The following LVRN variants were observed in gnomAD, a reference collection of about 807,000 sequenced individuals.
LVRN encodes laeverin, also known as aminopeptidase Q.
A neutral mutation model predicts 111.4 loss-of-function variants in LVRN; 99 were observed. The observed-to-expected ratio is 0.89, with a 90% CI of 0.76 to 1.05. The LOEUF is 1.05. Among genes scored for constraint, LVRN ranks in the 50% least tolerant of loss-of-function variants. LVRN has a pLI of 0.00. For synonymous variants in LVRN, 488 were observed against 449.5 expected (o/e 1.09, Z -1.08); for missense variants, 1,414 against 1,206.8 (o/e 1.17, Z -2.54).
At chr5:115,977,832 T>A (rs1008772508) in intron 1 of LVRN, among the ~76,000 whole-genome samples, 2 of 152,222 alleles carry the variant, frequency 1.3e-5, no homozygotes, top group South Asian at 2.1e-4. Flanking sequence ...AGAGAACTCA[T>A]ACACTCCCAC....
intron 1 of LVRN, among the ~76,000 whole-genome samples, chr5:115,977,857 T>G (rs1753480605): frequency 6.6e-6 from 1 of 152,218 alleles, no homozygotes; most frequent in African/African-American, 2.4e-5. Context: ...GTTCAAAGAT[T>G]CCCAGAATAC....
At chr5:116,011,004 C>CATATAT (rs3072900) in intron 14 of LVRN, 110 bp downstream of exon 14, 16 of 281,338 alleles carry the variant, frequency 5.7e-5, no homozygotes, top group African/African-American at 2.4e-4. Flanking sequence ...GTCTTAGTTC[C>CATATAT]ATATATATAT....
At position 115,963,295 on chromosome 5, in the gene LVRN, C is replaced by T. The variant is rs778369338; in HGVS notation, c.678C>T (p.Thr226=). The change falls in exon 1 of 20, where the codon ACC becomes ACT. Residue 226 remains threonine (T), a synonymous_variant. Transcript: ENST00000357872. Reference sequence around the variant, plus strand: ...AGGGACTCTTCCTCAACGTCTACACCGACCAGGGCGAGCGCAGGTAAGGGC... The same window carrying T: ...AGGGACTCTTCCTCAACGTCTACACTGACCAGGGCGAGCGCAGGTAAGGGC... ...LREGLFLNVY[T]DQGERRALLA... 6.2e-7 allele frequency: 1 copy of T among 1,609,488 alleles called. No homozygotes were observed. The highest frequency in any genetic ancestry group is 8.5e-7 in the Non-Finnish European group (1 of 1,178,262).
chr5:115,970,699 TTGTA>T (rs34463488), intron 1 of LVRN, among the ~76,000 whole-genome samples: 55,707 of 151,924 alleles, frequency 0.37, 10,896 homozygotes, highest in East Asian at 0.52. Context: ...TACATGCTTT[TTGTA>T]TGTATCAGTT....
intron 1 of LVRN, among the ~76,000 whole-genome samples, chr5:115,979,061 C>T (rs141921086): frequency 8.5e-4 from 129 of 152,242 alleles, no homozygotes; most frequent in Non-Finnish European, 1.6e-3. Context: ...CTCAAAGCTC[C>T]TCCAGCCTCC....
rs114828602 is a variant in LVRN at position 116,017,560 on chromosome 5, T to C, written c.2756+1795T>C. On this transcript the variant is annotated intron_variant, in intron 18 of 19. Transcript: ENST00000357872. Reference sequence around the variant, plus strand: ...CCTTTTATTTATTGTGTTTAGTTTTTCATGTATCCACTAGATATATGGTAT... The same window carrying C: ...CCTTTTATTTATTGTGTTTAGTTTTCCATGTATCCACTAGATATATGGTAT... Among the ~76,000 whole-genome samples, 1,251 of 152,320 alleles carry C rather than the reference T, an allele frequency of 8.2e-3. 13 individuals carry two copies. The highest frequency in any genetic ancestry group is 0.014 in the Non-Finnish European group (957 of 68,030).
At chr5:116,003,059 C>G in intron 11 of LVRN, 148 bp downstream of exon 11, 1 of 918,828 alleles carries the variant, frequency 1.1e-6, no homozygotes, top group Non-Finnish European at 1.6e-6. Flanking sequence ...AGAAAAGTGT[C>G]AAATCAAAAG....
At chr5:115,976,740 C>T (rs543536440) in intron 1 of LVRN, among the ~76,000 whole-genome samples, 1 of 152,000 alleles carries the variant, frequency 6.6e-6, no homozygotes, top group Admixed American at 6.6e-5. Flanking sequence ...GTTTCAGCAT[C>T]TTCTCATTTT....
rs1410373062 is a variant in LVRN at position 115,962,937 on chromosome 5, A to G, written c.320A>G (p.Tyr107Cys). Reference sequence around the variant, plus strand: ...CCGCCCTGGCTCGTGCCGCTGCACTACGATCTGGAGCTGTGGCCGCAGCTG... The same window carrying G: ...CCGCCCTGGCTCGTGCCGCTGCACTGCGATCTGGAGCTGTGGCCGCAGCTG... Reference protein sequence around the residue: ...RLPPWLVPLHYDLELWPQLRP... With the variant: ...RLPPWLVPLHCDLELWPQLRP... The change falls in exon 1 of 20, where the codon TAC (tyrosine) becomes TGC (cysteine). Residue 107 changes from tyrosine to cysteine, a missense_variant. Physicochemically the swap from Tyr to Cys is radical, Grantham distance 194. Transcript: ENST00000357872. The G allele has an allele frequency of 1.9e-6, 3 of 1,612,964 alleles. No homozygotes were observed. The highest frequency in any genetic ancestry group is 1.7e-6 in the Non-Finnish European group (2 of 1,179,776).
Position 116,003,275 on chromosome 5 carries a change from C to T in LVRN, c.1932C>T (p.Asp644=). 1 of 1,581,620 alleles carries T rather than the reference C, an allele frequency of 6.3e-7. No homozygotes were observed. The highest frequency in any genetic ancestry group is 1.9e-5 in the Admixed American group (1 of 53,784). The change falls in exon 12 of 20, where the codon GAC becomes GAT. Residue 644 remains aspartate (D), a synonymous_variant. Transcript: ENST00000357872. The stretch of plus-strand genomic sequence containing the variant: ...CAGAAATGCAAGTTTCAGATTCTGA[C>T]CATGACTGGGTGATTTTGAATTTGA... ...VFPEMQVSDS[D]HDWVILNLNM... is the part of the protein sequence containing the mutation.
At chr5:115,994,565 G>A (rs10066614) in intron 6 of LVRN, among the ~76,000 whole-genome samples, 1 of 151,978 alleles carries the variant, frequency 6.6e-6, no homozygotes, top group East Asian at 1.9e-4. Context: ...GAGCTACCGC[G>A]CCCAACCTAG....
At chr5:115,981,325 C>T (rs771124071) in intron 1 of LVRN, among the ~76,000 whole-genome samples, 1 of 152,120 alleles carries the variant, frequency 6.6e-6, no homozygotes, top group Non-Finnish European at 1.5e-5. Context: ...ATAAATGATA[C>T]AGAAGAAAAA....
In LVRN at chr5:115,963,227, C is replaced by T; in HGVS notation, c.610C>T (p.Leu204=). ...EPLKPGSSYE[L]QLSFSGLVKE... is the part of the protein sequence containing the mutation. ...CCTGAAACCTGGTAGCAGCTACGAGCTGCAGCTTAGCTTCTCGGGCCTGGT... is the reference window on the plus strand; with the variant it reads ...CCTGAAACCTGGTAGCAGCTACGAGTTGCAGCTTAGCTTCTCGGGCCTGGT... The change falls in exon 1 of 20, where the codon CTG becomes TTG. Residue 204 remains leucine (L), a synonymous_variant. Transcript: ENST00000357872. The T allele has an allele frequency of 1.2e-6, 2 of 1,612,894 alleles. No homozygotes were observed. The highest frequency in any genetic ancestry group is 1.7e-6 in the Non-Finnish European group (2 of 1,179,886).
intron 1 of LVRN, among the ~76,000 whole-genome samples, chr5:115,965,307 T>C (rs1753179471): frequency 6.6e-6 from 1 of 152,174 alleles, no homozygotes; most frequent in Non-Finnish European, 1.5e-5. Context: ...TGGGGAGTTA[T>C]TGCTTAATGG....
At position 115,984,590 on chromosome 5, in the gene LVRN, G is replaced by A; in HGVS notation, c.859G>A (p.Val287Met). Residue 287 changes from valine to methionine, a missense_variant, in exon 3 of 20, where the codon GTG (valine) becomes ATG (methionine). Transcript: ENST00000357872. Reference protein sequence around the residue: ...PKLGQSEKEDVNGSKWTVTTF... With the variant: ...PKLGQSEKEDMNGSKWTVTTF... ...TCTAGGTCAGTCTGAAAAAGAAGAT[G>A]TGAATGGAAGCAAATGGACTGTTAC... is the stretch of plus-strand genomic sequence containing the variant. 1 of 1,613,530 alleles carries A rather than the reference G, an allele frequency of 6.2e-7. No homozygotes were observed. Among genetic ancestry groups the A allele is most frequent in the Non-Finnish European group, 8.5e-7 (1 of 1,179,674 alleles).
chr5:116,000,963 A>G (rs899910156), intron 9 of LVRN, 104 bp from the exon 10 acceptor site: 1 of 1,312,888 alleles, frequency 7.6e-7, no homozygotes, highest in Non-Finnish European at 1.0e-6. Flanking sequence ...GGACTACTAC[A>G]TAAGTGAGGA....
chr5:115,992,325 G>C, intron 5 of LVRN, 48 bp downstream of exon 5: 1 of 1,604,702 alleles, frequency 6.2e-7, no homozygotes, highest in South Asian at 1.1e-5. Context: ...TATTCTCCAG[G>C]TGCGCTACCA....
intron 6 of LVRN, among the ~76,000 whole-genome samples, chr5:115,996,601 G>C (rs1748118150): frequency 6.6e-6 from 1 of 152,176 alleles, no homozygotes; most frequent in Non-Finnish European, 1.5e-5. Context: ...TGCAGAAACA[G>C]ATTTACAATT....
chr5:115,971,462 G>A lies in LVRN; in HGVS notation c.695+8150G>A, dbSNP rs1580375905. Among the ~76,000 whole-genome samples, 8 of 152,162 alleles carry A rather than the reference G, an allele frequency of 5.3e-5. No homozygotes were observed. The South Asian group carries it at 1.7e-3, about 32-fold the overall frequency. On this transcript the variant is annotated intron_variant, in intron 1 of 19. Transcript: ENST00000357872. ...CCTTCTTTCAGAAGTTTTATAGTTAGGTGTATGATCCATTTTGAGTTAATT... is the reference window on the plus strand; with the variant it reads ...CCTTCTTTCAGAAGTTTTATAGTTAAGTGTATGATCCATTTTGAGTTAATT...
Sources: allele counts gnomAD v4.1 joint callset (sites outside exome capture counted in the v4.1 genomes callset), GRCh38; gene constraint gnomAD v4.1.1; transcripts MANE v1.5; gene names NCBI Gene and HGNC (gene_info 2026-07-23, HGNC 2026-07-21).